Variants in IMMP2L observed in about 807,000 individuals in gnomAD.
IMMP2L encodes the protein inner mitochondrial membrane peptidase subunit 2.
In IMMP2L, 18 loss-of-function variants were observed where a neutral mutation model predicts 19.3. The observed-to-expected ratio is 0.93, with a 90% CI of 0.64 to 1.38. IMMP2L has a LOEUF of 1.38. Ranked by LOEUF, IMMP2L falls within the 40% of genes most tolerant of loss-of-function variation. IMMP2L has a pLI of 0.00. For synonymous variants in IMMP2L, 76 were observed against 73.0 expected, an observed-to-expected ratio of 1.04 and a Z score of -0.21; for missense variants, 233 against 218.2, an observed-to-expected ratio of 1.07 and a Z score of -0.43.
chr7:111,217,077 ATCTCTCTCTCTCTCCCTCCGTCTCTC>A (rs1812000607), intron 3 of IMMP2L, among the ~76,000 whole-genome samples: 1 of 135,898 alleles, frequency 7.4e-6, no homozygotes, highest in African/African-American at 2.8e-5. Context: ...TCATCTTCTG[ATCTCTCTCTCTCTCCCTCCGTCTCTC>A]TCTCTCTCTC....
At chr7:111,444,747 C>A (rs530591799) in intron 3 of IMMP2L, among the ~76,000 whole-genome samples, 1 of 151,950 alleles carries the variant, frequency 6.6e-6, no homozygotes, top group Non-Finnish European at 1.5e-5. Flanking sequence ...ATGAATATAC[C>A]TAAAACAAAG....
intron 3 of IMMP2L, among the ~76,000 whole-genome samples, chr7:111,348,762 G>A (rs1042841869): frequency 2.6e-5 from 4 of 151,996 alleles, no homozygotes; most frequent in African/African-American, 4.8e-5. Context: ...TAGGTCCCTC[G>A]ATGCTCTCCT....
intron 3 of IMMP2L, among the ~76,000 whole-genome samples, chr7:111,176,673 A>G (rs769677869): frequency 6.6e-5 from 10 of 152,040 alleles, no homozygotes; most frequent in Admixed American, 1.3e-4. Flanking sequence ...ATACAAAAAT[A>G]TAGTTTAATA....
chr7:111,556,037 C>CAT (rs1356609635), intron 1 of IMMP2L, among the ~76,000 whole-genome samples: 3 of 108,256 alleles, frequency 2.8e-5, no homozygotes, highest in South Asian at 6.7e-4. Flanking sequence ...TATATATATA[C>CAT]ATACCCAAAG....
chr7:111,252,384 G>A (rs576493602), intron 3 of IMMP2L, among the ~76,000 whole-genome samples: 6 of 152,162 alleles, frequency 3.9e-5, no homozygotes, highest in African/African-American at 9.7e-5. Context: ...GAATTAGGCA[G>A]TATAAAACGA....
At chr7:111,360,667 A>AG (rs1210531433) in intron 3 of IMMP2L, among the ~76,000 whole-genome samples, 11 of 152,066 alleles carry the variant, frequency 7.2e-5, no homozygotes, top group African/African-American at 2.7e-4. Context: ...AAAATAAAAA[A>AG]ATTAGTCAAG....
chr7:110,959,471 C>T (rs1818709390), intron 4 of IMMP2L, among the ~76,000 whole-genome samples: 1 of 151,938 alleles, frequency 6.6e-6, no homozygotes. Context: ...CTATTCCCTA[C>T]ATACCCCTTA....
intron 1 of IMMP2L, among the ~76,000 whole-genome samples, chr7:111,543,870 C>G (rs899642100): frequency 2.0e-5 from 3 of 152,058 alleles, no homozygotes; most frequent in Non-Finnish European, 4.4e-5. Flanking sequence ...TTTCTTCAGA[C>G]TTTTTTCCGC....
chr7:110,875,333 C>A (rs1483472033), intron 5 of IMMP2L, among the ~76,000 whole-genome samples: 3 of 152,080 alleles, frequency 2.0e-5, no homozygotes, highest in South Asian at 4.1e-4. Context: ...TGGTAATTAT[C>A]ATTTCCTATT....
chr7:111,086,234 G>A (rs796259676), intron 3 of IMMP2L, among the ~76,000 whole-genome samples: 28 of 147,200 alleles, frequency 1.9e-4, no homozygotes, highest in African/African-American at 7.1e-4. Flanking sequence ...GCAGCATAGA[G>A]AGACCCCATC....
chr7:111,090,250 T>C (rs1393172136), intron 3 of IMMP2L, among the ~76,000 whole-genome samples: 2 of 152,214 alleles, frequency 1.3e-5, no homozygotes, highest in Non-Finnish European at 2.9e-5. Context: ...ATGTTTTACA[T>C]GTATGGCTTA....
rs189464418 is a variant in IMMP2L at position 111,508,495 on chromosome 7, A to G, written c.135+12818T>C. Among the ~76,000 whole-genome samples the G allele has an allele frequency of 5.6e-4, 85 of 152,282 alleles. 1 individual carries two copies. The South Asian group carries it at 6.8e-3, about 12-fold the overall frequency. The stretch of plus-strand genomic sequence containing the variant: ...AGAATTAGGCATGCAGACACCAGAG[A>G]GTCAGTAAAGTAGAATTTAACAGGC... On this transcript the variant is annotated intron_variant, in intron 2 of 5. Transcript: ENST00000405709.
rs1219660198 is a variant in IMMP2L at position 111,470,375 on chromosome 7, G to A, written c.239+16863C>T. ...TTTGACCCAGCAATCCCATTACTGGGTATATACCCAAAGGACTATAAATCA... is the reference window on the plus strand; with the variant it reads ...TTTGACCCAGCAATCCCATTACTGGATATATACCCAAAGGACTATAAATCA... On this transcript the variant is annotated intron_variant, in intron 3 of 5. Coordinates refer to ENST00000405709, the MANE Select transcript of IMMP2L (RefSeq NM_032549.4). Among the ~76,000 whole-genome samples the A allele has an allele frequency of 5.3e-5, 8 of 151,948 alleles. No homozygotes were observed. In the East Asian group the frequency reaches 1.5e-3, roughly 29 times the overall value.
chr7:110,862,947 G>T (rs1233269969), intron 5 of IMMP2L, among the ~76,000 whole-genome samples: 1 of 151,962 alleles, frequency 6.6e-6, no homozygotes, highest in Non-Finnish European at 1.5e-5. Context: ...TGAAGTTCAA[G>T]ACCCACCTCC....
At chr7:111,232,149 T>C (rs1183218628) in intron 3 of IMMP2L, among the ~76,000 whole-genome samples, 3 of 152,074 alleles carry the variant, frequency 2.0e-5, no homozygotes, top group Non-Finnish European at 2.9e-5. Context: ...AATTTACATA[T>C]GATTCTTCAA....
intron 3 of IMMP2L, among the ~76,000 whole-genome samples, chr7:111,000,862 CAGAT>C (rs1427866255): frequency 7.0e-6 from 1 of 142,008 alleles, no homozygotes. Flanking sequence ...AAAAAAAAAA[CAGAT>C]GGATGATTCC....
At chr7:111,472,043 ATT>A (rs573289575) in intron 3 of IMMP2L, among the ~76,000 whole-genome samples, 134 of 152,254 alleles carry the variant, frequency 8.8e-4, no homozygotes, top group African/African-American at 3.1e-3. Flanking sequence ...TCTGTACCAC[ATT>A]CAATAAAATG....
intron 3 of IMMP2L, among the ~76,000 whole-genome samples, chr7:111,341,919 C>T (rs562590494): frequency 2.0e-5 from 3 of 152,208 alleles, no homozygotes; most frequent in African/African-American, 7.2e-5. Flanking sequence ...TGCTCTTCCA[C>T]CACAAGATGA....
At chr7:111,334,555 A>G (rs1202718572) in intron 3 of IMMP2L, among the ~76,000 whole-genome samples, 1 of 152,136 alleles carries the variant, frequency 6.6e-6, no homozygotes, top group Admixed American at 6.6e-5. Flanking sequence ...AAATTTTAAA[A>G]ATAAAAAAGA....
Sources: gnomAD v4.1 joint callset for allele counts (sites outside exome capture counted in the v4.1 genomes callset) on GRCh38, gnomAD v4.1.1 for gene constraint, MANE v1.5 for transcripts, NCBI Gene and HGNC (gene_info 2026-07-23, HGNC 2026-07-21) for gene names.